RPN2: variants seen among roughly 807,000 people sequenced by gnomAD.
The protein encoded by RPN2 is dolichyl-diphosphooligosaccharide--protein glycosyltransferase subunit 2.
In RPN2, 29 loss-of-function variants were observed where a neutral mutation model predicts 71.4. The ratio of observed to expected loss-of-function variants is 0.41; its 90% confidence interval spans 0.30 to 0.55. The LOEUF is 0.55. Ranked by LOEUF, RPN2 falls within the 20% of genes least tolerant of loss-of-function variation. The probability of loss-of-function intolerance (pLI) is 0.35; values close to 1 mark genes in which losing one functional copy is unlikely to be tolerated. For missense variants in RPN2, 726 were observed against 774.1 expected (o/e 0.94, Z 0.74); for synonymous variants, 308 against 305.0 (o/e 1.01, Z -0.10).
rs180690621 is a variant in RPN2 at position 37,190,977 on chromosome 20, G to A, written c.207+6604G>A. Among the ~76,000 whole-genome samples, 9 of 152,318 alleles carry A rather than the reference G, an allele frequency of 5.9e-5. No homozygotes were observed. The East Asian group carries it at 1.7e-3, about 29-fold the overall frequency. ...GTAGCGGTGCATGTCCTGCTCAGCT[G>A]TTGCTGCCTTCAGCTCAGTAGAGAG... On this transcript the variant is annotated intron_variant, in intron 2 of 16. Transcript: ENST00000237530.
In RPN2 at chr20:37,241,488, C is replaced by G. The variant is rs2068549853; in HGVS notation, c.*173C>G. On this transcript the variant is annotated 3_prime_UTR_variant, in exon 17 of 17. Transcript: ENST00000237530. ...CAGTTTCCCCAACACACAGCAGATACCTGGTGAGCTCAGATAGTCTCTTTC... is the reference window on the plus strand; with the variant it reads ...CAGTTTCCCCAACACACAGCAGATAGCTGGTGAGCTCAGATAGTCTCTTTC... 1 of 713,110 alleles carries G rather than the reference C, an allele frequency of 1.4e-6. No individual in the cohort carries two copies. The highest frequency in any genetic ancestry group is 2.4e-6 in the Non-Finnish European group (1 of 412,150). 44.2% of individuals were successfully genotyped at this position (713,110 alleles called of 1,614,324 possible).
intron 2 of RPN2, among the ~76,000 whole-genome samples, chr20:37,194,945 C>T (rs1462732000): frequency 6.6e-6 from 1 of 152,040 alleles, no homozygotes; most frequent in Non-Finnish European, 1.5e-5. Context: ...GAGAGATTTG[C>T]GGTCTTTTCT....
At position 37,238,392 on chromosome 20, in the gene RPN2, C is replaced by T. The variant is rs180929203; in HGVS notation, c.1883+1683C>T. On this transcript the variant is annotated intron_variant, in intron 16 of 16. Coordinates refer to ENST00000237530, the MANE Select transcript of RPN2 (RefSeq NM_002951.5). Reference sequence around the variant, plus strand: ...CTTTCTTGATTCTCAAACCCTCTTTCCTTTGGCAGGATCGCTGCAGAGCAG... The same window carrying T: ...CTTTCTTGATTCTCAAACCCTCTTTTCTTTGGCAGGATCGCTGCAGAGCAG... The T allele has an allele frequency of 6.2e-6, 10 of 1,606,084 alleles. No individual in the cohort carries two copies. In the Admixed American group the frequency reaches 1.4e-4, roughly 22 times the overall value.
intron 14 of RPN2, 37 bp from the exon 15 acceptor site, chr20:37,233,983 C>G (rs1299257238): frequency 6.2e-7 from 1 of 1,609,326 alleles, no homozygotes; most frequent in African/African-American, 1.3e-5. Flanking sequence ...CTTTTAAGTT[C>G]TAATGCCTTT....
chr20:37,223,552 G>C (rs562601643), intron 9 of RPN2, among the ~76,000 whole-genome samples: 2 of 152,022 alleles, frequency 1.3e-5, no homozygotes, highest in African/African-American at 2.4e-5. Context: ...TTGAATGAAA[G>C]GTACTGCTTA....
At chr20:37,237,212 C>A in intron 16 of RPN2, among the ~76,000 whole-genome samples, 1 of 152,180 alleles carries the variant, frequency 6.6e-6, no homozygotes. Flanking sequence ...CAGTAGCCTA[C>A]ACCATCTCCC....
chr20:37,221,342 T>C (rs577002606), intron 9 of RPN2, among the ~76,000 whole-genome samples: 1 of 151,978 alleles, frequency 6.6e-6, no homozygotes, highest in African/African-American at 2.4e-5. Context: ...ACTACAGGCG[T>C]GCATCACCAT....
rs1394216841 is a variant in RPN2, at chr20:37,184,299, T to C, written c.133T>C (p.Phe45Leu). The C allele has an allele frequency of 1.2e-6, 2 of 1,614,062 alleles. No individual in the cohort carries two copies. Among genetic ancestry groups the C allele is most frequent in the African/African-American group, 2.7e-5 (2 of 74,926 alleles). The part of the protein sequence containing the change: ...ERLKASLDRP[F>L]TNLESAFYSI... ...ACTAAAAGCCTCGCTGGATCGCCCT[T>C]TCACAAATTTGGAATCTGCCTTCTA... Residue 45 changes from phenylalanine (F) to leucine (L), a missense_variant, in exon 2 of 17, where the codon TTC becomes CTC. Transcript: ENST00000237530.
chr20:37,224,975 A>G (rs761411238), intron 10 of RPN2, among the ~76,000 whole-genome samples: 1 of 152,202 alleles, frequency 6.6e-6, no homozygotes, highest in Non-Finnish European at 1.5e-5. Context: ...CTCTGCCTAG[A>G]TGAAGAGTTG....
intron 10 of RPN2, among the ~76,000 whole-genome samples, chr20:37,224,175 G>GTTTA (rs2068023651): frequency 6.6e-6 from 1 of 151,964 alleles, no homozygotes. Context: ...ATATACCAGT[G>GTTTA]TTTAGTCCAT....
intron 16 of RPN2, among the ~76,000 whole-genome samples, chr20:37,239,372 G>A (rs1180404962): frequency 6.6e-6 from 1 of 152,212 alleles, no homozygotes; most frequent in Non-Finnish European, 1.5e-5. Flanking sequence ...AACAAAGGGA[G>A]GGGAGGTATT....
rs1166266051 is a variant in RPN2 at position 37,179,474 on chromosome 20, G to C, written c.13+105G>C. The C allele has an allele frequency of 2.1e-6, 3 of 1,412,444 alleles. No individual in the cohort carries two copies. The Admixed American group carries it at 8.3e-5, about 39-fold the overall frequency. 87.5% of individuals were successfully genotyped at this position (1,412,444 alleles called of 1,614,324 possible). A position where few individuals can be genotyped will look rare whatever the true frequency, so the allele number is the denominator to read the frequency against. On this transcript the variant is annotated intron_variant, in intron 1 of 16. Transcript: ENST00000237530. ...CGGGATCCCCTTCCCCTGCGGGACA[G>C]GGGCATGGGCACAAGCTCTGGCTGG...
In RPN2 at chr20:37,207,347, G is replaced by A; in HGVS notation, c.765G>A (p.Val255=). The part of the protein sequence containing the change: ...NFESLSEAFS[V]ASAAAVLSHN... The stretch of plus-strand genomic sequence containing the variant: ...AGTCCCTCTCCGAAGCCTTCAGCGT[G>A]GCCTCTGCAGCTGCTGTGCTCTCGC... The change falls in exon 7 of 17, where the codon GTG becomes GTA. Residue 255 remains valine, a synonymous_variant. Coordinates refer to ENST00000237530, the MANE Select transcript of RPN2 (RefSeq NM_002951.5). The A allele has an allele frequency of 6.2e-7, 1 of 1,613,972 alleles. No homozygotes were observed. Among genetic ancestry groups the A allele is most frequent in the Non-Finnish European group, 8.5e-7 (1 of 1,179,792 alleles).
chr20:37,197,513 T>C (rs1472098430), intron 2 of RPN2, among the ~76,000 whole-genome samples: 1 of 152,140 alleles, frequency 6.6e-6, no homozygotes, highest in Non-Finnish European at 1.5e-5. Flanking sequence ...GGTTCCCATG[T>C]TTCTGGTTTG....
chr20:37,239,721 T>C (rs2068500967), intron 16 of RPN2, among the ~76,000 whole-genome samples: 1 of 152,122 alleles, frequency 6.6e-6, no homozygotes, highest in Non-Finnish European at 1.5e-5. Context: ...TCAGTCAAGA[T>C]ATAGGTATTG....
chr20:37,195,262 C>T (rs2067230249), intron 2 of RPN2, among the ~76,000 whole-genome samples: 1 of 152,160 alleles, frequency 6.6e-6, no homozygotes, highest in Non-Finnish European at 1.5e-5. Flanking sequence ...GGTGTCCCTG[C>T]TTCTGCTGCT....
At chr20:37,195,422 A>G (rs893458388) in intron 2 of RPN2, among the ~76,000 whole-genome samples, 1 of 152,320 alleles carries the variant, frequency 6.6e-6, no homozygotes, top group Non-Finnish European at 1.5e-5. Context: ...TGGAGGTTTT[A>G]TAGCTCAGAC....
intron 9 of RPN2, among the ~76,000 whole-genome samples, chr20:37,214,956 C>T (rs939261943): frequency 1.3e-4 from 20 of 152,050 alleles, no homozygotes; most frequent in African/African-American, 4.1e-4. Flanking sequence ...CTCTTTCATT[C>T]CTTCTACATT....
Position 37,179,362 on chromosome 20 carries a change from G to A in RPN2, c.6G>A (p.Ala2=). The change falls in exon 1 of 17, where the codon GCG becomes GCA. Residue 2 remains alanine (A), a synonymous_variant. Transcript: ENST00000237530. ...GGCGGGACCTGCTCGGAGGAATGGCGCCGCCGGGTGAGGAGTTGCGCGTGG... is the reference window on the plus strand; with the variant it reads ...GGCGGGACCTGCTCGGAGGAATGGCACCGCCGGGTGAGGAGTTGCGCGTGG... M[A]PPGSSTVFLL... is the part of the protein sequence containing the mutation. 3 of 371,902 alleles carry A rather than the reference G, an allele frequency of 8.1e-6. No homozygotes were observed. Among genetic ancestry groups the A allele is most frequent in the Non-Finnish European group, 1.1e-5 (3 of 267,052 alleles). The allele number at this position is 371,902 out of a possible 1,614,324, so 23.0% of individuals were successfully genotyped here.
Sources: allele counts gnomAD v4.1 joint callset (sites outside exome capture counted in the v4.1 genomes callset), GRCh38; gene constraint gnomAD v4.1.1; transcripts MANE v1.5; gene names NCBI Gene and HGNC (gene_info 2026-07-23, HGNC 2026-07-21).